The following FAAP20 variants were observed in gnomAD, a reference collection of about 807,000 sequenced individuals.
The protein encoded by FAAP20 is Fanconi anemia core complex-associated protein 20.
A neutral mutation model predicts 16.2 loss-of-function variants in FAAP20; 12 were observed. The observed-to-expected ratio is 0.74, with a 90% confidence interval of 0.48 to 1.20. The LOEUF is 1.20. Ranked by LOEUF, FAAP20 falls within the 50% of genes most tolerant of loss-of-function variation. The probability of loss-of-function intolerance (pLI) is 0.00; values close to 1 mark genes in which losing one functional copy is unlikely to be tolerated. For missense variants in FAAP20, 288 were observed against 245.8 expected (o/e 1.17, Z -1.15); for synonymous variants, 141 against 110.7 (o/e 1.27, Z -1.72).
chr1:2,211,288 C>G (rs2480708), downstream of FAAP20, among the ~76,000 whole-genome samples: 57,113 of 127,228 alleles, frequency 0.45, 13,372 homozygotes, highest in African/African-American at 0.61. Flanking sequence ...GGAGTGCAGT[C>G]GCGCGATCTC....
At chr1:2,185,029 G>A (rs768206691), downstream of FAAP20, 21 of 1,585,650 alleles carry the variant, frequency 1.3e-5, no homozygotes, top group African/African-American at 1.2e-4. Flanking sequence ...CGTCTCTGTC[G>A]TGGACACGCG....
chr1:2,208,880 C>T (rs1351274547), downstream of FAAP20, among the ~76,000 whole-genome samples: 3 of 152,224 alleles, frequency 2.0e-5, no homozygotes, highest in Admixed American at 2.0e-4. Flanking sequence ...TGAATCGATT[C>T]CGCTTATTGG....
downstream of FAAP20, chr1:2,184,775 T>A: frequency 6.9e-7 from 1 of 1,450,328 alleles, no homozygotes; most frequent in African/African-American, 1.4e-5. Context: ...GGGCAGCTGG[T>A]GACCCAGCCT....
chr1:2,185,355 G>GTAC, downstream of FAAP20: 1 of 718,842 alleles, frequency 1.4e-6, no homozygotes, highest in Non-Finnish European at 2.6e-6. Flanking sequence ...GAAAGTGAGC[G>GTAC]TGTAGCGTCC....
exon 2 of FAAP20, chr1:2,206,645 A>G (rs1311869072): frequency 6.6e-6 from 1 of 152,120 alleles, no homozygotes; most frequent in Non-Finnish European, 1.5e-5. Flanking sequence ...CATCCTGGCT[A>G]ACACGGTGAA....
chr1:2,200,821 G>A (rs1227454379), upstream of FAAP20: 1 of 1,023,536 alleles, frequency 9.8e-7, no homozygotes, highest in Non-Finnish European at 1.2e-6. Flanking sequence ...GGGGGCCCTT[G>A]GAGGATCCCC....
chr1:2,197,802 C>T (rs1688883217), upstream of FAAP20, among the ~76,000 whole-genome samples: 2 of 152,224 alleles, frequency 1.3e-5, no homozygotes, highest in Non-Finnish European at 2.9e-5. Flanking sequence ...GACCTACAGC[C>T]AGAGATAAGT....
intron 3 of FAAP20, chr1:2,190,633 G>C (rs898530663): frequency 2.9e-6 from 1 of 348,344 alleles, no homozygotes; most frequent in Admixed American, 3.8e-5. Flanking sequence ...CAGCAGAGCT[G>C]CCGGGGACGA....
Position 2,194,737 on chromosome 1 carries a change from G to C in FAAP20, c.13C>G (p.Arg5Gly), listed in dbSNP as rs1348328289. Residue 5 changes from arginine (R) to glycine (G), a missense_variant, in exon 1 of 4, where the codon CGG (arginine) becomes GGG (glycine). Physicochemically the swap from Arg to Gly is moderately radical, Grantham distance 125 (BLOSUM62 -2). Transcript: ENST00000378546. ...CGGCTCAACCCCAGCCGCGGCCTCCGCGCCGCCTCCATCCAAGCCCGCGCC... is the reference window on the plus strand; with the variant it reads ...CGGCTCAACCCCAGCCGCGGCCTCCCCGCCGCCTCCATCCAAGCCCGCGCC... MEAARRPRLGLSRRR... is the reference protein window; with the variant it reads MEAAGRPRLGLSRRR... 4.9e-5 allele frequency: 58 copies of C among 1,192,942 alleles called. No individual in the cohort carries two copies. The African/African-American group carries it at 8.3e-4, about 17-fold the overall frequency. The allele number at this position is 1,192,942 out of a possible 1,614,324, so 73.9% of individuals were successfully genotyped here.
chr1:2,192,601 C>T (rs573275228), intron 3 of FAAP20: 2 of 1,096,370 alleles, frequency 1.8e-6, no homozygotes, highest in South Asian at 4.7e-5. Context: ...TGGATTTCTC[C>T]CCAGGGCTCC....
upstream of FAAP20, among the ~76,000 whole-genome samples, chr1:2,202,601 C>G (rs1339430152): frequency 6.6e-6 from 1 of 152,104 alleles, no homozygotes; most frequent in Admixed American, 6.5e-5. Flanking sequence ...GTAGCTGGGA[C>G]TACAGGCACA....
intron 3 of FAAP20, 32 bp downstream of exon 3, chr1:2,193,606 TA>T (rs1425865893): frequency 7.6e-6 from 12 of 1,579,600 alleles, no homozygotes; most frequent in Non-Finnish European, 1.0e-5. Flanking sequence ...CACGGATGGA[TA>T]ACCGGGCCGG....
chr1:2,208,299 G>A (rs971281399), downstream of FAAP20, among the ~76,000 whole-genome samples: 8 of 152,072 alleles, frequency 5.3e-5, no homozygotes, highest in Non-Finnish European at 1.0e-4. Context: ...TGCAGTGCAC[G>A]TCCTCCAGCC....
downstream of FAAP20, among the ~76,000 whole-genome samples, chr1:2,208,510 C>T (rs1012410318): frequency 1.3e-5 from 2 of 152,192 alleles, no homozygotes; most frequent in African/African-American, 2.4e-5. Context: ...GGTGGACCCG[C>T]GTGCGGAAGG....
chr1:2,193,582 C>T, intron 3 of FAAP20, 57 bp downstream of exon 3: 7 of 1,571,172 alleles, frequency 4.5e-6, no homozygotes, highest in Non-Finnish European at 6.0e-6. Context: ...TTCTGAACGG[C>T]TGTGGTTTCC....
chr1:2,186,911 G>T (rs1344607831), downstream of FAAP20: 2 of 233,080 alleles, frequency 8.6e-6, no homozygotes, highest in Non-Finnish European at 1.8e-5. Flanking sequence ...TGTGAGTAAT[G>T]CTGTGCTCAT....
upstream of FAAP20, chr1:2,199,173 GCCT>G: frequency 1.7e-6 from 2 of 1,179,262 alleles, no homozygotes; most frequent in Non-Finnish European, 2.1e-6. The surrounding 1 kb of genome is among the most constrained non-coding windows in gnomAD (Gnocchi z 4.5). Context: ...CCCAGCCATG[GCCT>G]GTGTCTGGGC....
upstream of FAAP20, among the ~76,000 whole-genome samples, chr1:2,197,023 C>T (rs1021064562): frequency 5.3e-5 from 8 of 152,272 alleles, no homozygotes; most frequent in African/African-American, 1.9e-4. Flanking sequence ...TCCTCTATGG[C>T]CCCCACATGG....
chr1:2,201,613 G>T (rs2480709), upstream of FAAP20, among the ~76,000 whole-genome samples: 70,540 of 151,940 alleles, frequency 0.46, 17,577 homozygotes, highest in African/African-American at 0.66. Context: ...TCCCAGTTAT[G>T]TGGGAGGCTG....
Sources: allele counts gnomAD v4.1 joint callset (sites outside exome capture counted in the v4.1 genomes callset), GRCh38; gene constraint gnomAD v4.1.1; non-coding constraint Gnocchi (gnomAD v3.1); transcripts MANE v1.5; gene names NCBI Gene and HGNC (gene_info 2026-07-23, HGNC 2026-07-21).